Variants in STK33 observed in about 807,000 individuals in gnomAD.
STK33 encodes serine/threonine kinase 33, also known as serine/threonine-protein kinase 33.
Under a neutral mutation model 58.0 loss-of-function variants are expected in STK33, and 52 were observed. That is an observed-to-expected ratio of 0.90 (90% CI 0.72 to 1.13). The LOEUF is 1.13. Ranked by LOEUF, STK33 falls within the 50% of genes most tolerant of loss-of-function variation. STK33 has a pLI of 0.00. For missense variants in STK33, 630 were observed against 604.2 expected, an observed-to-expected ratio of 1.04 and a Z score of -0.45; for synonymous variants, 215 against 200.1, an observed-to-expected ratio of 1.07 and a Z score of -0.63.
intron 15 of STK33, among the ~76,000 whole-genome samples, chr11:8,397,239 G>A (rs552145216): frequency 1.2e-4 from 18 of 152,312 alleles, no homozygotes; most frequent in Admixed American, 1.0e-3. Context: ...CACCTCACAC[G>A]GTCGGGTACT....
In STK33 at chr11:8,460,998, C is replaced by T. The variant is rs117417422; in HGVS notation, c.558+807G>A. ...AGAGAAACATTTAATGAGACAGATG[C>T]TTTATATCAATTGTCTCATTTAATC... On this transcript the variant is annotated intron_variant, in intron 8 of 15. Transcript: ENST00000687296. 2.0e-4 allele frequency among the ~76,000 whole-genome samples: 30 copies of T among 152,264 alleles called. No individual in the cohort carries two copies. In the East Asian group the frequency reaches 5.6e-3, roughly 28 times the overall value.
chr11:8,591,998 T>TAA (rs367966540), intron 1 of STK33, among the ~76,000 whole-genome samples: 2 of 150,074 alleles, frequency 1.3e-5, no homozygotes, highest in Non-Finnish European at 3.0e-5. Context: ...ATAATAAAAT[T>TAA]AAAAAAAAAA....
intron 1 of STK33, among the ~76,000 whole-genome samples, chr11:8,536,930 C>T (rs2140249829): frequency 8.3e-6 from 1 of 120,564 alleles, no homozygotes; most frequent in East Asian, 2.5e-4. Flanking sequence ...TATAGGCATG[C>T]ACTGCCATAC....
At chr11:8,345,946 C>G in the STK33 span, among the ~76,000 whole-genome samples, 5 of 152,174 alleles carry the variant, frequency 3.3e-5, no homozygotes, top group Non-Finnish European at 7.3e-5. Context: ...CAACCGTGCA[C>G]TAGGTGGTTG....
At chr11:8,434,144 G>A (rs572537343) in intron 14 of STK33, 15 of 158,742 alleles carry the variant, frequency 9.4e-5, no homozygotes, top group African/African-American at 3.7e-4. Flanking sequence ...TTGAACCCAG[G>A]AGGCAGAGGT....
intron 1 of STK33, among the ~76,000 whole-genome samples, chr11:8,541,982 C>G (rs535886111): frequency 3.9e-4 from 59 of 152,254 alleles, no homozygotes; most frequent in Non-Finnish European, 6.9e-4. Context: ...AGAACAGTCT[C>G]TATAATAATG....
intron 1 of STK33, chr11:8,565,873 T>C (rs1273600120): frequency 2.6e-5 from 4 of 152,230 alleles, no homozygotes; most frequent in Non-Finnish European, 5.9e-5. Context: ...TTATTACCCA[T>C]CCAAACTTAC....
chr11:8,421,595 A>G (rs1345018738), intron 14 of STK33, among the ~76,000 whole-genome samples: 6 of 152,218 alleles, frequency 3.9e-5, no homozygotes, highest in African/African-American at 1.4e-4. Context: ...AGTCTTCCAC[A>G]TAAATTTTAT....
At chr11:8,533,032 C>T (rs1260725009) in intron 1 of STK33, among the ~76,000 whole-genome samples, 1 of 152,164 alleles carries the variant, frequency 6.6e-6, no homozygotes, top group Non-Finnish European at 1.5e-5. Context: ...GTACACAAGA[C>T]TTCTGAGATT....
At chr11:8,373,604 G>T in the STK33 span, among the ~76,000 whole-genome samples, 1 of 152,140 alleles carries the variant, frequency 6.6e-6, no homozygotes, top group Admixed American at 6.5e-5. Context: ...GGTGGTCTCA[G>T]GCCCAGATGG....
chr11:8,569,151 T>C (rs1402284043), intron 1 of STK33, among the ~76,000 whole-genome samples: 1 of 152,210 alleles, frequency 6.6e-6, no homozygotes, highest in Non-Finnish European at 1.5e-5. Flanking sequence ...GGCAAAGTGA[T>C]ACTAGCATGC....
intron 15 of STK33, among the ~76,000 whole-genome samples, chr11:8,402,755 C>T (rs559682150): frequency 2.0e-5 from 3 of 152,320 alleles, no homozygotes; most frequent in East Asian, 1.9e-4. Context: ...AGAGCCAAGC[C>T]TCTTAGTTCC....
At chr11:8,538,044 T>G (rs1401763092) in intron 1 of STK33, among the ~76,000 whole-genome samples, 1 of 151,892 alleles carries the variant, frequency 6.6e-6, no homozygotes, top group Non-Finnish European at 1.5e-5. Context: ...AGAAATTAGT[T>G]GGGCATGGTG....
chr11:8,397,168 A>G (rs1849507400), intron 15 of STK33, among the ~76,000 whole-genome samples: 3 of 152,220 alleles, frequency 2.0e-5, no homozygotes, highest in Admixed American at 2.0e-4. Context: ...TGCCTCCTCA[A>G]GTGGGTCCCT....
At chr11:8,393,392 C>T (rs1328007957) in intron 15 of STK33, among the ~76,000 whole-genome samples, 1 of 152,200 alleles carries the variant, frequency 6.6e-6, no homozygotes, top group African/African-American at 2.4e-5. Context: ...TTTCTCAGGT[C>T]GCCTCATTCC....
At chr11:8,425,255 T>C (rs1178329660) in intron 14 of STK33, among the ~76,000 whole-genome samples, 4 of 152,228 alleles carry the variant, frequency 2.6e-5, no homozygotes, top group Non-Finnish European at 5.9e-5. Context: ...CGTTTCCCCA[T>C]TTCTTGTTTT....
At chr11:8,509,681 C>T (rs779794059) in intron 1 of STK33, among the ~76,000 whole-genome samples, 6 of 152,084 alleles carry the variant, frequency 3.9e-5, no homozygotes, top group Non-Finnish European at 7.4e-5. Flanking sequence ...CCCCTTGAGT[C>T]CCCAAAGTCC....
At chr11:8,574,936 A>T (rs9705253) in intron 1 of STK33, among the ~76,000 whole-genome samples, 81,571 of 151,742 alleles carry the variant, frequency 0.54, 22,096 homozygotes, top group South Asian at 0.65. Flanking sequence ...TCCCAGCTAC[A>T]AAGGAGGCTG....
chr11:8,499,993 A>G (rs971313815), intron 1 of STK33, among the ~76,000 whole-genome samples: 2 of 152,176 alleles, frequency 1.3e-5, no homozygotes, highest in African/African-American at 4.8e-5. Flanking sequence ...TGGGTGCAGT[A>G]AACCACCATG....
Sources: gnomAD v4.1 joint callset for allele counts (sites outside exome capture counted in the v4.1 genomes callset) on GRCh38, gnomAD v4.1.1 for gene constraint, MANE v1.5 for transcripts, NCBI Gene and HGNC (gene_info 2026-07-23, HGNC 2026-07-21) for gene names.